The following UPP2 variants were observed in gnomAD, a reference collection of about 807,000 sequenced individuals.
The protein encoded by UPP2 is uridine phosphorylase 2.
In UPP2, 23 loss-of-function variants were observed where a neutral mutation model predicts 26.7. The ratio of observed to expected loss-of-function variants is 0.86; its 90% CI spans 0.62 to 1.22. The LOEUF (loss-of-function observed/expected upper bound fraction) is 1.22. Ranked by LOEUF, UPP2 falls within the 50% of genes most tolerant of loss-of-function variation. The pLI, the probability that UPP2 is intolerant of heterozygous loss-of-function variation, is 0.00. For missense variants in UPP2, 387 were observed against 396.7 expected (o/e 0.98, Z 0.21); for synonymous variants, 127 against 141.3 (o/e 0.90, Z 0.72).
At chr2:158,014,509 A>G (rs1212959588) in intron 2 of UPP2, among the ~76,000 whole-genome samples, 1 of 152,216 alleles carries the variant, frequency 6.6e-6, no homozygotes, top group Non-Finnish European at 1.5e-5. Context: ...ATTAAAAAGT[A>G]CAGTTAATCT....
At chr2:158,017,376 G>A (rs935379125) in intron 3 of UPP2, among the ~76,000 whole-genome samples, 1 of 152,046 alleles carries the variant, frequency 6.6e-6, no homozygotes, top group African/African-American at 2.4e-5. Flanking sequence ...TACCTTTCTG[G>A]GCAATACAGA....
Position 158,030,032 on chromosome 2 carries a change from T to C in UPP2, c.147+14146T>C, listed in dbSNP as rs1034793660. On this transcript the variant is annotated intron_variant, in intron 3 of 9. Transcript: ENST00000605860. ...GGGAAGTAGTTGTATTGTCAACTTA[T>C]AGAATGAATGGGAACCCCTACTGTT... Among the ~76,000 whole-genome samples, 3 of 152,198 alleles carry C rather than the reference T, an allele frequency of 2.0e-5. No homozygotes were observed. The East Asian group carries it at 5.8e-4, about 29-fold the overall frequency.
intron 3 of UPP2, among the ~76,000 whole-genome samples, chr2:158,115,532 C>A (rs958537734): frequency 1.3e-5 from 2 of 152,130 alleles, no homozygotes; most frequent in Non-Finnish European, 2.9e-5. Context: ...CTGGTTAACA[C>A]CCCTCACCCC....
chr2:158,077,536 T>C (rs993335667), intron 3 of UPP2, among the ~76,000 whole-genome samples: 2 of 151,632 alleles, frequency 1.3e-5, no homozygotes, highest in East Asian at 1.9e-4. Context: ...AGAACGTACA[T>C]TGATGACAAG....
rs368025392 is a variant in UPP2, at chr2:158,110,052, C to A, written c.180+3836C>A. On this transcript the variant is annotated intron_variant, in intron 2 of 6. Coordinates refer to ENST00000005756, the MANE Select transcript of UPP2 (RefSeq NM_173355.4). The stretch of plus-strand genomic sequence containing the variant: ...TAAGTTCTAGGGTACATGTGCACAA[C>A]CTGCAGGTTTGTTACATATGTATAC... Among the ~76,000 whole-genome samples, 159 of 152,182 alleles carry A rather than the reference C, an allele frequency of 1.0e-3. 4 individuals carry two copies. In the South Asian group the frequency reaches 0.024, roughly 23 times the overall value.
At position 158,015,942 on chromosome 2, in the gene UPP2, A is replaced by G. The variant is rs898998174; in HGVS notation, c.147+56A>G. ...ATTACCCAGTCTCAGGTAGTTCTTT[A>G]TAGTGGTATGAAAAAGGACTAACGC... On this transcript the variant is annotated intron_variant, in intron 3 of 9. Coordinates refer to the UPP2 transcript ENST00000605860. The G allele has an allele frequency of 7.8e-6, 3 of 385,534 alleles. No homozygotes were observed. The Admixed American group carries it at 8.9e-5, about 11-fold the overall frequency. The allele number at this position is 385,534 out of a possible 1,614,324, so 23.9% of individuals were successfully genotyped here. A position where few individuals can be genotyped will look rare whatever the true frequency, so the allele number is the denominator to read the frequency against.
At chr2:158,029,608 A>G (rs1462803505) in intron 3 of UPP2, among the ~76,000 whole-genome samples, 1 of 152,212 alleles carries the variant, frequency 6.6e-6, no homozygotes, top group Admixed American at 6.5e-5. Context: ...GCATAAAAGA[A>G]TGCACTATTA....
intron 3 of UPP2, among the ~76,000 whole-genome samples, chr2:158,080,771 T>C (rs1682712371): frequency 6.6e-6 from 1 of 152,090 alleles, no homozygotes; most frequent in Non-Finnish European, 1.5e-5. Context: ...CTCATTAGTG[T>C]GGGAATGAAG....
chr2:158,051,157 ATG>A (rs57745839), intron 3 of UPP2, among the ~76,000 whole-genome samples: 3,102 of 145,014 alleles, frequency 0.021, 75 homozygotes, highest in African/African-American at 0.055. Flanking sequence ...CTCTAGGAAT[ATG>A]TGTGTGTGTG....
intron 2 of UPP2, among the ~76,000 whole-genome samples, chr2:157,999,380 G>A (rs1325426290): frequency 1.3e-5 from 2 of 152,136 alleles, no homozygotes; most frequent in Non-Finnish European, 2.9e-5. Flanking sequence ...GTTTCACTAT[G>A]TTGACCAGGC....
At chr2:158,114,089 G>A (rs1574300421) in intron 2 of UPP2, among the ~76,000 whole-genome samples, 1 of 152,190 alleles carries the variant, frequency 6.6e-6, no homozygotes, top group Non-Finnish European at 1.5e-5. Context: ...GTGACACTGA[G>A]CAAGTTTCTT....
chr2:158,051,068 A>G (rs778477829), intron 3 of UPP2, among the ~76,000 whole-genome samples: 11 of 152,052 alleles, frequency 7.2e-5, no homozygotes, highest in Non-Finnish European at 1.5e-4. Flanking sequence ...ATATATATAT[A>G]TGCACACACA....
intron 2 of UPP2, among the ~76,000 whole-genome samples, chr2:157,999,241 T>C (rs1402190784): frequency 1.3e-5 from 2 of 152,098 alleles, no homozygotes; most frequent in Non-Finnish European, 2.9e-5. Flanking sequence ...TGCAATGGTG[T>C]GATCTTAGCT....
chr2:157,995,588 T>C (rs1399030852), intron 2 of UPP2, among the ~76,000 whole-genome samples: 1 of 152,066 alleles, frequency 6.6e-6, no homozygotes, highest in Non-Finnish European at 1.5e-5. Context: ...CTCTTTAAGG[T>C]AGTTGACCAC....
Position 158,134,779 on chromosome 2 carries a change from A to C in UPP2, c.843A>C (p.Arg281Ser). Residue 281 changes from arginine (R) to serine (S), a missense_variant, in exon 7 of 7, where the codon AGA (arginine) becomes AGC (serine). Coordinates refer to ENST00000005756, the MANE Select transcript of UPP2 (RefSeq NM_173355.4). ...AAVVCVTLLDRLDCDQINLPH... is the reference protein window; with the variant it reads ...AAVVCVTLLDSLDCDQINLPH... ...TGGTCTGTGTGACACTTCTCGACAGACTCGACTGTGATCAGATCAACTTGC... is the reference window on the plus strand; with the variant it reads ...TGGTCTGTGTGACACTTCTCGACAGCCTCGACTGTGATCAGATCAACTTGC... The C allele has an allele frequency of 6.2e-7, 1 of 1,612,794 alleles. No individual in the cohort carries two copies. Among genetic ancestry groups the C allele is most frequent in the Non-Finnish European group, 8.5e-7 (1 of 1,179,404 alleles).
chr2:158,068,765 A>AGTATATATATAT (rs1682477759), intron 3 of UPP2, among the ~76,000 whole-genome samples: 1 of 31,700 alleles, frequency 3.2e-5, no homozygotes. Context: ...TTCAAATTCA[A>AGTATATATATAT]ATATATATAT....
At chr2:158,015,794 T>C (rs1028616498) in intron 2 of UPP2, 1 of 453,586 alleles carries the variant, frequency 2.2e-6, no homozygotes. Flanking sequence ...TGCTCCACCA[T>C]GGTAAGATGT....
chr2:158,052,186 T>C (rs1682170401), intron 3 of UPP2, among the ~76,000 whole-genome samples: 1 of 152,184 alleles, frequency 6.6e-6, no homozygotes, highest in Non-Finnish European at 1.5e-5. Context: ...TTTTATCTGG[T>C]AACTCTAGGT....
intron 3 of UPP2, among the ~76,000 whole-genome samples, chr2:158,043,657 G>A (rs1221720687): frequency 6.6e-6 from 1 of 152,214 alleles, no homozygotes; most frequent in East Asian, 1.9e-4. Context: ...TCATTCAAGG[G>A]TCTTGTATGT....
Sources: allele counts gnomAD v4.1 joint callset (sites outside exome capture counted in the v4.1 genomes callset), GRCh38; gene constraint gnomAD v4.1.1; transcripts MANE v1.5; gene names NCBI Gene and HGNC (gene_info 2026-07-23, HGNC 2026-07-21).